The following KLF12 variants were observed in gnomAD, a reference collection of about 807,000 sequenced individuals.
KLF12 encodes KLF transcription factor 12.
Under a neutral mutation model 37.8 loss-of-function variants are expected in KLF12, and 9 were observed. The observed-to-expected ratio is 0.24, with a 90% CI of 0.14 to 0.42. The LOEUF (loss-of-function observed/expected upper bound fraction) is 0.42, where lower values mean the gene tolerates loss of function less well. Ranked by LOEUF, KLF12 falls within the 10% of genes least tolerant of loss-of-function variation. The pLI, the probability that KLF12 is intolerant of heterozygous loss-of-function variation, is 1.00. For synonymous variants in KLF12, 208 were observed against 202.1 expected, an observed-to-expected ratio of 1.03 and a Z score of -0.25; for missense variants, 411 against 516.0, an observed-to-expected ratio of 0.80 and a Z score of 1.97.
chr13:73,752,274 T>C (rs998309142), intron 6 of KLF12, among the ~76,000 whole-genome samples: 26 of 152,300 alleles, frequency 1.7e-4, no homozygotes, highest in African/African-American at 6.3e-4. Context: ...TGAGCCATCA[T>C]GCCCAGCCAC....
intron 1 of KLF12, among the ~76,000 whole-genome samples, chr13:74,108,694 T>C (rs912802687): frequency 1.3e-5 from 2 of 151,562 alleles, no homozygotes; most frequent in Non-Finnish European, 2.9e-5. Context: ...ATTCTTATAA[T>C]AAAGTAAACT....
intron 4 of KLF12, among the ~76,000 whole-genome samples, chr13:73,834,145 CCCA>C (rs1205289430): frequency 6.7e-6 from 1 of 149,272 alleles, no homozygotes; most frequent in East Asian, 2.0e-4. Context: ...ACCTCCTCCC[CCCA>C]CCACAACCTC....
intron 1 of KLF12, among the ~76,000 whole-genome samples, chr13:74,059,302 C>G (rs1873438200): frequency 6.6e-6 from 1 of 152,208 alleles, no homozygotes; most frequent in Admixed American, 6.5e-5. Context: ...AGACACCCAG[C>G]AGTGGGATTG....
At chr13:73,781,204 AAGTACACAC>A (rs1880943763) in intron 5 of KLF12, among the ~76,000 whole-genome samples, 1 of 152,250 alleles carries the variant, frequency 6.6e-6, no homozygotes, top group African/African-American at 2.4e-5. Flanking sequence ...ATTTTTATTA[AAGTACACAC>A]ACTGTTTAAG....
chr13:74,241,658 C>G, the KLF12 span, among the ~76,000 whole-genome samples: 1 of 152,212 alleles, frequency 6.6e-6, no homozygotes, highest in African/African-American at 2.4e-5. Flanking sequence ...CGTGGTGCGC[C>G]GTTTTTTAAG....
At chr13:73,971,509 C>T (rs1891339110) in intron 2 of KLF12, among the ~76,000 whole-genome samples, 1 of 151,022 alleles carries the variant, frequency 6.6e-6, no homozygotes, top group South Asian at 2.1e-4. Context: ...ACCTCCATGA[C>T]AGTATCTTTT....
At chr13:74,043,891 A>G (rs919427848) in intron 1 of KLF12, among the ~76,000 whole-genome samples, 2 of 152,228 alleles carry the variant, frequency 1.3e-5, no homozygotes, top group African/African-American at 2.4e-5. Flanking sequence ...ATCTTTACTA[A>G]CAATCTTGCA....
intron 3 of KLF12, among the ~76,000 whole-genome samples, chr13:73,873,138 T>C (rs561066894): frequency 6.6e-6 from 1 of 152,206 alleles, no homozygotes; most frequent in Non-Finnish European, 1.5e-5. Flanking sequence ...TTATTTTATA[T>C]ATATATATAA....
intron 1 of KLF12, among the ~76,000 whole-genome samples, chr13:74,084,713 A>G (rs1286664046): frequency 6.6e-6 from 1 of 152,210 alleles, no homozygotes; most frequent in African/African-American, 2.4e-5. Flanking sequence ...AATAAAGCCT[A>G]AAAGAATACT....
At chr13:74,009,345 T>C (rs1314844212) in intron 1 of KLF12, among the ~76,000 whole-genome samples, 1 of 152,184 alleles carries the variant, frequency 6.6e-6, no homozygotes, top group African/African-American at 2.4e-5. Flanking sequence ...TTATACACAT[T>C]ATGTTAAGTA....
intron 3 of KLF12, among the ~76,000 whole-genome samples, chr13:73,933,786 C>T (rs1393200398): frequency 2.6e-5 from 4 of 152,272 alleles, no homozygotes; most frequent in East Asian, 3.9e-4. Flanking sequence ...CTCTCCTATA[C>T]AGTTATAAAT....
intron 1 of KLF12, among the ~76,000 whole-genome samples, chr13:74,078,209 A>G (rs1021010582): frequency 6.6e-6 from 1 of 152,202 alleles, no homozygotes; most frequent in Non-Finnish European, 1.5e-5. Flanking sequence ...GCGCATTTAC[A>G]GTCAAGGAGA....
At chr13:73,921,511 T>C (rs1324353632) in intron 3 of KLF12, among the ~76,000 whole-genome samples, 1 of 152,236 alleles carries the variant, frequency 6.6e-6, no homozygotes, top group Non-Finnish European at 1.5e-5. Flanking sequence ...AGTATACTCC[T>C]AAGCTTTGAG....
At chr13:74,097,542 T>C (rs1450475320) in intron 1 of KLF12, among the ~76,000 whole-genome samples, 2 of 152,140 alleles carry the variant, frequency 1.3e-5, no homozygotes, top group Admixed American at 6.6e-5. Flanking sequence ...TATACAACCC[T>C]GGCCCAAAGA....
chr13:74,095,924 C>T (rs1372295148), intron 1 of KLF12, among the ~76,000 whole-genome samples: 8 of 152,188 alleles, frequency 5.3e-5, no homozygotes, highest in African/African-American at 1.7e-4. Context: ...AACAGTTCCA[C>T]ATAGAAACAC....
the KLF12 span, among the ~76,000 whole-genome samples, chr13:74,228,486 A>G: frequency 6.6e-6 from 1 of 152,286 alleles, no homozygotes; most frequent in African/African-American, 2.4e-5. Flanking sequence ...GAGGTCGCCT[A>G]GACCAGTTGC....
intron 1 of KLF12, among the ~76,000 whole-genome samples, chr13:74,128,412 T>A (rs1878066411): frequency 6.6e-6 from 1 of 152,108 alleles, no homozygotes; most frequent in South Asian, 2.1e-4. Context: ...TCAAATCAGT[T>A]GCCACACAAG....
intron 1 of KLF12, among the ~76,000 whole-genome samples, chr13:74,008,419 G>C (rs1434457854): frequency 6.6e-6 from 1 of 152,196 alleles, no homozygotes; most frequent in Non-Finnish European, 1.5e-5. Context: ...ATCAGCAACA[G>C]CTTTTAATGC....
chr13:74,155,139 T>G, the KLF12 span, among the ~76,000 whole-genome samples: 45,041 of 152,062 alleles, frequency 0.3, 7,240 homozygotes, highest in Non-Finnish European at 0.36. Flanking sequence ...TGGTTCTGAC[T>G]TGCTCCAAGT....
Sources: gnomAD v4.1 joint callset for allele counts (sites outside exome capture counted in the v4.1 genomes callset) on GRCh38, gnomAD v4.1.1 for gene constraint, MANE v1.5 for transcripts, NCBI Gene and HGNC (gene_info 2026-07-23, HGNC 2026-07-21) for gene names.